Variants in ZBTB44 observed in about 807,000 individuals in gnomAD.
ZBTB44 encodes zinc finger and BTB domain-containing protein 44.
Under a neutral mutation model 54.0 loss-of-function variants are expected in ZBTB44, and 15 were observed. The observed-to-expected ratio is 0.28, with a 90% CI of 0.19 to 0.43. ZBTB44 has a LOEUF of 0.43. Among genes scored for constraint, ZBTB44 ranks in the 20% least tolerant of loss-of-function variants. The pLI, the probability that ZBTB44 is intolerant of heterozygous loss-of-function variation, is 1.00. For missense variants in ZBTB44, 487 were observed against 707.1 expected (o/e 0.69, Z 3.53); for synonymous variants, 230 against 250.1 (o/e 0.92, Z 0.76).
intron 1 of ZBTB44, among the ~76,000 whole-genome samples, chr11:130,264,248 C>T (rs1011188381): frequency 1.3e-5 from 2 of 152,152 alleles, no homozygotes; most frequent in South Asian, 4.1e-4. Flanking sequence ...ACATTAGTTG[C>T]TGCTGCTACT....
chr11:130,260,154 C>T (rs892320343), intron 2 of ZBTB44, among the ~76,000 whole-genome samples: 25 of 152,216 alleles, frequency 1.6e-4, no homozygotes, highest in African/African-American at 6.0e-4. Flanking sequence ...CGCTCAACCA[C>T]TCCTTTTGTC....
In ZBTB44 at chr11:130,261,375, A is replaced by T; in HGVS notation, c.499T>A (p.Cys167Ser). 6.2e-7 allele frequency: 1 copy of T among 1,613,924 alleles called. No individual in the cohort carries two copies. Among genetic ancestry groups the T allele is most frequent in the Non-Finnish European group, 8.5e-7 (1 of 1,179,884 alleles). Residue 167 changes from cysteine (C) to serine (S), a missense_variant, in exon 2 of 8, where the codon TGC becomes AGC. Coordinates refer to ENST00000357899, the MANE Select transcript of ZBTB44 (RefSeq NM_001301098.2). This position sits in a 1 kb window ranked among gnomAD's most constrained non-coding sequence, Gnocchi z 4.8. The part of the protein sequence containing the change: ...DGSISPVSSE[C>S]SVVERTIPVC... ...GGAATGGTTCTTTCTACCACACTGC[A>T]CTCTGAGGACACGGGAGAAATGCTC...
chr11:130,283,007 A>T (rs531741890), intron 1 of ZBTB44, among the ~76,000 whole-genome samples: 15 of 152,120 alleles, frequency 9.9e-5, no homozygotes, highest in South Asian at 6.2e-4. Context: ...GGTTAAAAAA[A>T]ATATAAAATA....
intron 1 of ZBTB44, among the ~76,000 whole-genome samples, chr11:130,312,853 G>A (rs1259016699): frequency 6.6e-6 from 1 of 152,162 alleles, no homozygotes; most frequent in Non-Finnish European, 1.5e-5. Flanking sequence ...GGGGTTAGTA[G>A]GAGAATGTCC....
At chr11:130,290,066 G>A (rs1404015382) in intron 1 of ZBTB44, among the ~76,000 whole-genome samples, 1 of 152,170 alleles carries the variant, frequency 6.6e-6, no homozygotes, top group African/African-American at 2.4e-5. Context: ...CTTGGAATGG[G>A]GAGATTATCC....
chr11:130,240,428 A>T (rs560721859), intron 2 of ZBTB44, among the ~76,000 whole-genome samples: 1 of 152,242 alleles, frequency 6.6e-6, no homozygotes, highest in African/African-American at 2.4e-5. Context: ...TCTTTTAGAA[A>T]TATTTCTTTG....
chr11:130,267,232 T>A (rs1939315324), intron 1 of ZBTB44, among the ~76,000 whole-genome samples: 1 of 151,968 alleles, frequency 6.6e-6, no homozygotes, highest in Admixed American at 6.6e-5. Context: ...CCACTGTACA[T>A]CAACCTGGGC....
chr11:130,262,043 C>CA (rs1345766360), intron 1 of ZBTB44, 114 bp from the exon 2 acceptor site: 3 of 769,578 alleles, frequency 3.9e-6, no homozygotes, highest in Non-Finnish European at 6.0e-6. Context: ...ATGGTAGTGA[C>CA]AGAGAAACTT....
intron 1 of ZBTB44, among the ~76,000 whole-genome samples, chr11:130,295,120 A>C (rs1941561380): frequency 6.6e-6 from 1 of 152,176 alleles, no homozygotes; most frequent in Non-Finnish European, 1.5e-5. Flanking sequence ...AAGATCAAGA[A>C]GCAGAAACTC....
At position 130,253,324 on chromosome 11, in the gene ZBTB44, G is replaced by A. The variant is rs183039384; in HGVS notation, c.1018+7532C>T. On this transcript the variant is annotated intron_variant, in intron 2 of 7. Transcript: ENST00000357899. ...GATTGTACATTTAGAAAACCCCATC[G>A]TCTCAGCCCAAAATCTCCTTAAGCT... is the stretch of plus-strand genomic sequence containing the variant. Among the ~76,000 whole-genome samples, 487 of 152,254 alleles carry A rather than the reference G, an allele frequency of 3.2e-3. 3 individuals carry two copies. The highest frequency in any genetic ancestry group is 6.3e-3 in the Admixed American group (97 of 15,294).
At chr11:130,239,987 C>T (rs1212528433) in intron 2 of ZBTB44, 91 bp from the exon 3 acceptor site, 2 of 781,814 alleles carry the variant, frequency 2.6e-6, no homozygotes, top group Non-Finnish European at 4.2e-6. Context: ...AAGCCTCTGA[C>T]ATATATTATC....
chr11:130,275,916 G>A (rs1940030556), intron 1 of ZBTB44, among the ~76,000 whole-genome samples: 1 of 147,542 alleles, frequency 6.8e-6, no homozygotes, highest in Non-Finnish European at 1.5e-5. Context: ...ATGAGCCACC[G>A]CGCCAGGTCA....
intron 1 of ZBTB44, among the ~76,000 whole-genome samples, chr11:130,313,937 T>A (rs1275048315): frequency 1.1e-5 from 1 of 91,652 alleles, no homozygotes; most frequent in African/African-American, 4.0e-5. Flanking sequence ...TGTGTGTGTG[T>A]TTGTGTGTGT....
intron 3 of ZBTB44, 31 bp downstream of exon 3, chr11:130,239,781 A>C: frequency 1.9e-6 from 3 of 1,571,276 alleles, no homozygotes; most frequent in Non-Finnish European, 2.6e-6. Flanking sequence ...ACAACCCTTA[A>C]GAGGTAACGA....
intron 1 of ZBTB44, among the ~76,000 whole-genome samples, chr11:130,293,851 T>C (rs1941463057): frequency 6.6e-6 from 1 of 152,104 alleles, no homozygotes; most frequent in African/African-American, 2.4e-5. Flanking sequence ...TGTTTTTCAA[T>C]GAAACAAAGA....
chr11:130,237,752 T>C (rs1212143446), intron 4 of ZBTB44, among the ~76,000 whole-genome samples: 2 of 152,200 alleles, frequency 1.3e-5, no homozygotes, highest in African/African-American at 4.8e-5. Context: ...GAATTGGTGC[T>C]AGGACAGGGA....
At chr11:130,260,833 G>GA (rs747904223) in intron 2 of ZBTB44, 23 bp downstream of exon 2, 2 of 1,564,740 alleles carry the variant, frequency 1.3e-6, no homozygotes, top group African/African-American at 2.7e-5. Context: ...ATAGCACCAA[G>GA]AAAAACACAG....
At chr11:130,257,320 T>C (rs1591970075) in intron 2 of ZBTB44, among the ~76,000 whole-genome samples, 1 of 151,920 alleles carries the variant, frequency 6.6e-6, no homozygotes, top group African/African-American at 2.4e-5. Flanking sequence ...AATAGGGTCT[T>C]AGCAGATGTA....
intron 1 of ZBTB44, among the ~76,000 whole-genome samples, chr11:130,294,805 TAGAA>T (rs1390755300): frequency 6.6e-6 from 1 of 152,164 alleles, no homozygotes; most frequent in Non-Finnish European, 1.5e-5. Context: ...TTATTTTATC[TAGAA>T]AGAAAGACTG....
Sources: gnomAD v4.1 joint callset for allele counts (sites outside exome capture counted in the v4.1 genomes callset) on GRCh38, gnomAD v4.1.1 for gene constraint, Gnocchi (gnomAD v3.1) non-coding constraint, MANE v1.5 for transcripts, NCBI Gene and HGNC (gene_info 2026-07-23, HGNC 2026-07-21) for gene names.